The following THOC2 variants were observed in gnomAD, a reference collection of about 807,000 sequenced individuals.
The protein encoded by THOC2 is THO complex subunit 2, also known as THO complex 2.
Under a neutral mutation model 128.4 loss-of-function variants are expected in THOC2, and 10 were observed. The observed-to-expected ratio is 0.08, with a 90% CI of 0.05 to 0.13. The LOEUF is 0.13. THOC2 is among the 10% of genes least tolerant of loss of function. The probability of loss-of-function intolerance (pLI) is 1.00; values close to 1 mark genes in which losing one functional copy is unlikely to be tolerated. For synonymous variants in THOC2, 393 were observed against 396.9 expected (o/e 0.99, Z 0.12); for missense variants, 535 against 1,155.7 (o/e 0.46, Z 7.79).
At chrX:123,667,663 A>G (rs1330192314) in intron 10 of THOC2, among the ~76,000 whole-genome samples, 9 of 110,847 alleles carry the variant, frequency 8.1e-5, no homozygotes, top group Non-Finnish European at 7.6e-5. Flanking sequence ...ACTTGAGCCC[A>G]GGAGGTAGAA....
Position 123,652,871 on chromosome X carries a change from T to C in THOC2, c.1387-7496A>G, listed in dbSNP as rs770475194. Among the ~76,000 whole-genome samples the C allele has an allele frequency of 1.6e-4, 18 of 112,049 alleles. No homozygotes were observed. The East Asian group carries it at 4.8e-3, about 30-fold the overall frequency. On this transcript the variant is annotated intron_variant, in intron 12 of 38. Coordinates refer to ENST00000245838, the MANE Select transcript of THOC2 (RefSeq NM_001081550.2). Reference sequence around the variant, plus strand: ...CATCCAAAGTAATTTATAGATTCAATGCTATCCCCATCAAGCTACCAGTGA... The same window carrying C: ...CATCCAAAGTAATTTATAGATTCAACGCTATCCCCATCAAGCTACCAGTGA...
At chrX:123,631,903 A>T (rs755331842) in intron 21 of THOC2, 51 bp from the exon 22 acceptor site, 1 of 1,072,394 alleles carries the variant, frequency 9.3e-7, no homozygotes, top group African/African-American at 1.9e-5. Flanking sequence ...AGTGATTAAG[A>T]AGTCATTTTA....
In THOC2 at chrX:123,724,272, T is replaced by C. The variant is rs143795734; in HGVS notation, c.71+8680A>G. On this transcript the variant is annotated intron_variant, in intron 1 of 38. Transcript: ENST00000245838. ...AGCTCACCTCTGTGCCTTCTGATTATGTCAATACCCTATCATCAGGATGAG... is the reference window on the plus strand; with the variant it reads ...AGCTCACCTCTGTGCCTTCTGATTACGTCAATACCCTATCATCAGGATGAG... Among the ~76,000 whole-genome samples the C allele has an allele frequency of 5.9e-3, 664 of 112,132 alleles. 3 individuals are homozygous for C. Among genetic ancestry groups the C allele is most frequent in the African/African-American group, 0.02 (610 of 30,945 alleles).
At chrX:123,661,208 C>G (rs919405471) in intron 12 of THOC2, among the ~76,000 whole-genome samples, 15 of 111,627 alleles carry the variant, frequency 1.3e-4, no homozygotes, top group African/African-American at 4.9e-4. Context: ...AGTTCGAGAC[C>G]AGCGTAGCAA....
At chrX:123,715,178 A>C (rs1339408888) in intron 1 of THOC2, among the ~76,000 whole-genome samples, 2 of 108,191 alleles carry the variant, frequency 1.8e-5, no homozygotes, top group Admixed American at 1.0e-4. Context: ...AGGTGGGACC[A>C]CAGGTGCATG....
chrX:123,664,541 G>A (rs1471950601), intron 12 of THOC2, among the ~76,000 whole-genome samples: 4 of 112,055 alleles, frequency 3.6e-5, no homozygotes, highest in Non-Finnish European at 7.5e-5. Flanking sequence ...ACAAGTGGGC[G>A]AAGGATATGA....
rs1019241413 is a variant in THOC2, at chrX:123,644,606, G to C, written c.1630C>G (p.Gln544Glu). The change falls in exon 15 of 39, where the codon CAA becomes GAA. Residue 544 changes from glutamine (Q) to glutamate (E), a missense_variant. Transcript: ENST00000245838. ...ATATATTTGGCTCTGTCTATTGTTT[G>C]AGCTTTAACTTTTACTAAAAGTGGG... is the stretch of plus-strand genomic sequence containing the variant. ...SHPLLVKVKA[Q>E]TIDRAKYIMK... 5.8e-6 allele frequency: 7 copies of C among 1,200,231 alleles called. No individual in the cohort carries two copies. In the African/African-American group the frequency reaches 1.2e-4, roughly 21 times the overall value.
At chrX:123,605,724 T>G (rs899021666) in intron 38 of THOC2, among the ~76,000 whole-genome samples, 1 of 111,422 alleles carries the variant, frequency 9.0e-6, no homozygotes, top group African/African-American at 3.3e-5. Flanking sequence ...ATCGTCAACA[T>G]CTAGGAATAA....
At chrX:123,666,329 G>A (rs1264548177) in intron 11 of THOC2, among the ~76,000 whole-genome samples, 2 of 111,825 alleles carry the variant, frequency 1.8e-5, no homozygotes, top group Admixed American at 9.5e-5. Flanking sequence ...GAATGTGGTC[G>A]TAGGGAAAGT....
At chrX:123,695,757 C>G (rs1198866131) in intron 7 of THOC2, among the ~76,000 whole-genome samples, 1 of 111,196 alleles carries the variant, frequency 9.0e-6, no homozygotes, top group Non-Finnish European at 1.9e-5. Context: ...CACTCAGGAT[C>G]CCCTCCACAA....
intron 1 of THOC2, among the ~76,000 whole-genome samples, chrX:123,716,141 C>A (rs1794286451): frequency 8.9e-6 from 1 of 112,298 alleles, no homozygotes; most frequent in Non-Finnish European, 1.9e-5. Context: ...ATGGATTTAT[C>A]CCTGGGATGC....
intron 1 of THOC2, 80 bp from the exon 2 acceptor site, chrX:123,712,988 G>A (rs969629362): frequency 6.1e-6 from 4 of 657,941 alleles, no homozygotes; most frequent in Admixed American, 4.0e-5. Flanking sequence ...ATATCAACTG[G>A]CAAGTAAAAA....
intron 15 of THOC2, among the ~76,000 whole-genome samples, chrX:123,642,637 C>T (rs1435077427): frequency 9.2e-6 from 1 of 109,123 alleles, no homozygotes; most frequent in East Asian, 2.9e-4. Context: ...GTAACTCCAG[C>T]GCTGGGAGGT....
chrX:123,661,353 C>T (rs750495029), intron 12 of THOC2, among the ~76,000 whole-genome samples: 5 of 110,143 alleles, frequency 4.5e-5, no homozygotes, highest in East Asian at 5.7e-4. Context: ...TGCAGTGAGC[C>T]GAGGTCGCGC....
chrX:123,623,438 T>C (rs901621519), intron 28 of THOC2, 155 bp from the exon 29 acceptor site: 23 of 629,574 alleles, frequency 3.7e-5, no homozygotes, highest in African/African-American at 3.0e-4. Flanking sequence ...AAGGTTTTTA[T>C]AGAACGCCCA....
intron 22 of THOC2, among the ~76,000 whole-genome samples, chrX:123,629,206 A>AAC (rs754562050): frequency 0.33 from 27,250 of 81,730 alleles, 3,865 homozygotes; most frequent in Non-Finnish European, 0.37. Flanking sequence ...ATTATACATG[A>AAC]ACACACACAC....
intron 21 of THOC2, 58 bp downstream of exon 21, chrX:123,632,803 A>T (rs975127542): frequency 1.0e-6 from 1 of 966,305 alleles, no homozygotes; most frequent in African/African-American, 1.9e-5. Context: ...ATAACACATT[A>T]TCCTCCTTTA....
chrX:123,665,836 C>T lies in THOC2; in HGVS notation c.1192G>A (p.Val398Ile). ...CCTTTAGCACCTTTAGGAACTCCAA[C>T]TCTATTTTAAAAAGTAAAATAAATA... ...HITIEPLYRR[V>I]GVPKGAKGSP... Residue 398 changes from valine (V) to isoleucine (I), a missense_variant and splice_region_variant, in exon 12 of 39, where the codon GTT (valine) becomes ATT (isoleucine). By Grantham distance (29) the Val-to-Ile change is conservative. Coordinates refer to ENST00000245838, the MANE Select transcript of THOC2 (RefSeq NM_001081550.2). 2 of 1,066,999 alleles carry T rather than the reference C, an allele frequency of 1.9e-6. No individual in the cohort carries two copies. Among genetic ancestry groups the T allele is most frequent in the Non-Finnish European group, 2.5e-6 (2 of 811,450 alleles). The allele number at this position is 1,066,999 out of a possible 1,213,427, so 87.9% of individuals were successfully genotyped here. A position where few individuals can be genotyped will look rare whatever the true frequency, so the allele number is the denominator to read the frequency against.
At chrX:123,695,894 C>T (rs778989072) in intron 7 of THOC2, 127 bp downstream of exon 7, 5 of 416,307 alleles carry the variant, frequency 1.2e-5, no homozygotes, top group Non-Finnish European at 2.0e-5. Flanking sequence ...AAGCTAAACA[C>T]CTCTCCCATT....
Sources: allele counts gnomAD v4.1 joint callset (sites outside exome capture counted in the v4.1 genomes callset), GRCh38; gene constraint gnomAD v4.1.1; transcripts MANE v1.5; gene names NCBI Gene and HGNC (gene_info 2026-07-23, HGNC 2026-07-21).